Variants in MDGA2 observed in about 807,000 individuals in gnomAD.
MDGA2 encodes MAM domain containing glycosylphosphatidylinositol anchor 2.
In MDGA2, 40 loss-of-function variants were observed where a neutral mutation model predicts 117.8. The ratio of observed to expected loss-of-function variants is 0.34; its 90% CI spans 0.26 to 0.44. MDGA2 has a LOEUF of 0.44. MDGA2 is among the 20% of genes least tolerant of loss of function. MDGA2 has a pLI of 1.00. For missense variants in MDGA2, 1,123 were observed against 1,250.6 expected (o/e 0.90, Z 1.54); for synonymous variants, 452 against 439.0 (o/e 1.03, Z -0.37).
At chr14:47,308,577 G>A in intron 1 of MDGA2, among the ~76,000 whole-genome samples, 1 of 131,764 alleles carries the variant, frequency 7.6e-6, no homozygotes, top group Admixed American at 8.4e-5. Context: ...TCTCAAAGCT[G>A]TTTAATATCT....
intron 8 of MDGA2, among the ~76,000 whole-genome samples, chr14:46,971,686 T>TA (rs1886270846): frequency 6.6e-6 from 1 of 151,898 alleles, no homozygotes; most frequent in Admixed American, 6.6e-5. Context: ...TATTATATAA[T>TA]AAAAATAGCT....
chr14:46,932,811 T>C (rs1183457211), intron 9 of MDGA2, among the ~76,000 whole-genome samples: 2 of 148,746 alleles, frequency 1.3e-5, no homozygotes, highest in African/African-American at 4.9e-5. Context: ...CATTATGTCT[T>C]TTTTTTTTTG....
intron 1 of MDGA2, among the ~76,000 whole-genome samples, chr14:47,403,030 A>C (rs1892187284): frequency 6.6e-6 from 1 of 152,096 alleles, no homozygotes; most frequent in African/African-American, 2.4e-5. Context: ...AGCATTCTTA[A>C]GATCTTTCCC....
chr14:47,508,273 G>C (rs897304012), intron 1 of MDGA2, among the ~76,000 whole-genome samples: 1 of 151,304 alleles, frequency 6.6e-6, no homozygotes, highest in Non-Finnish European at 1.5e-5. Context: ...CCTTTATTAA[G>C]GAGCATGCTT....
At position 46,871,065 on chromosome 14, in the gene MDGA2, A is replaced by C. The variant is rs919622762; in HGVS notation, c.2752+2368T>G. 3 of 151,920 alleles carry C rather than the reference A, an allele frequency of 2.0e-5. No individual in the cohort carries two copies. The South Asian group carries it at 6.2e-4, about 31-fold the overall frequency. The allele number at this position is 151,920 out of a possible 1,614,324, so 9.4% of individuals were successfully genotyped here. A position where few individuals can be genotyped will look rare whatever the true frequency, so the allele number is the denominator to read the frequency against. ...AGGAAACAGAGTATACATTATTAACAAAAAGGAAGAATTAGAGTTGAGCTA... is the reference window on the plus strand; with the variant it reads ...AGGAAACAGAGTATACATTATTAACCAAAAGGAAGAATTAGAGTTGAGCTA... On this transcript the variant is annotated intron_variant, in intron 14 of 16. Coordinates refer to ENST00000399232, the MANE Select transcript of MDGA2 (RefSeq NM_001113498.3).
chr14:46,931,572 G>T (rs1291719768), intron 9 of MDGA2, among the ~76,000 whole-genome samples: 1 of 143,046 alleles, frequency 7.0e-6, no homozygotes, highest in East Asian at 2.0e-4. Context: ...ACCCAGGCTG[G>T]ATTGCAGTGG....
At chr14:47,134,324 T>C (rs1295678494) in intron 4 of MDGA2, among the ~76,000 whole-genome samples, 5 of 152,054 alleles carry the variant, frequency 3.3e-5, no homozygotes, top group Non-Finnish European at 5.9e-5. Flanking sequence ...TTGCTTTATA[T>C]ATATTTATTT....
chr14:46,933,540 C>G (rs1884659999), intron 9 of MDGA2, among the ~76,000 whole-genome samples: 1 of 151,438 alleles, frequency 6.6e-6, no homozygotes, highest in Non-Finnish European at 1.5e-5. Context: ...TCCCACTACA[C>G]TTCCCTTGCC....
chr14:47,332,480 C>A (rs1472130621), intron 1 of MDGA2, among the ~76,000 whole-genome samples: 1 of 151,880 alleles, frequency 6.6e-6, no homozygotes, highest in Non-Finnish European at 1.5e-5. Context: ...AAGAATAGCA[C>A]ATGTCTGCCT....
intron 7 of MDGA2, among the ~76,000 whole-genome samples, chr14:47,045,209 T>C (rs1409753641): frequency 6.6e-6 from 1 of 151,936 alleles, no homozygotes; most frequent in Non-Finnish European, 1.5e-5. Context: ...TCTTGCTGCC[T>C]CATGAACAGA....
At chr14:47,648,833 T>C (rs1897585426) in intron 1 of MDGA2, among the ~76,000 whole-genome samples, 2 of 152,178 alleles carry the variant, frequency 1.3e-5, no homozygotes, top group Admixed American at 1.3e-4. Context: ...AATTTCTTCA[T>C]GTTGTGTTCA....
chr14:47,649,514 G>A (rs549824701), intron 1 of MDGA2, among the ~76,000 whole-genome samples: 23 of 151,992 alleles, frequency 1.5e-4, no homozygotes, highest in African/African-American at 3.4e-4. Context: ...GTGAAACCCC[G>A]TCTCTACCAA....
chr14:47,668,498 C>T (rs1385625410), intron 1 of MDGA2, among the ~76,000 whole-genome samples: 2 of 152,124 alleles, frequency 1.3e-5, no homozygotes, highest in East Asian at 1.9e-4. Context: ...CTTAAAGTCT[C>T]TTCTCCCACT....
At chr14:46,890,177 T>C (rs1420836996) in intron 10 of MDGA2, among the ~76,000 whole-genome samples, 1 of 151,994 alleles carries the variant, frequency 6.6e-6, no homozygotes, top group Non-Finnish European at 1.5e-5. Context: ...AAATACTAGG[T>C]TTTCAAGGCT....
intron 2 of MDGA2, among the ~76,000 whole-genome samples, chr14:47,255,541 C>T (rs760260959): frequency 6.6e-6 from 1 of 152,198 alleles, no homozygotes; most frequent in Non-Finnish European, 1.5e-5. Context: ...CTACTTTCTT[C>T]ACAGGAAGTT....
At chr14:47,639,974 GA>G (rs1897392879) in intron 1 of MDGA2, among the ~76,000 whole-genome samples, 1 of 152,158 alleles carries the variant, frequency 6.6e-6, no homozygotes, top group African/African-American at 2.4e-5. Flanking sequence ...GTAAAGAATG[GA>G]AGGTAAGTAT....
intron 3 of MDGA2, among the ~76,000 whole-genome samples, chr14:47,191,604 T>C (rs1187078423): frequency 6.6e-6 from 1 of 152,082 alleles, no homozygotes; most frequent in Admixed American, 6.5e-5. Flanking sequence ...CAAAATTGTT[T>C]AGTAGAAAAA....
At chr14:46,854,638 A>G (rs529980781) in intron 15 of MDGA2, among the ~76,000 whole-genome samples, 1 of 152,004 alleles carries the variant, frequency 6.6e-6, no homozygotes, top group African/African-American at 2.4e-5. Context: ...GTAAGTATAT[A>G]AAATTTAATC....
At chr14:47,077,864 A>C (rs546370682) in intron 6 of MDGA2, among the ~76,000 whole-genome samples, 30 of 152,230 alleles carry the variant, frequency 2.0e-4, no homozygotes, top group Admixed American at 1.5e-3. Flanking sequence ...AGAGAAGTAC[A>C]ACTTCTCTTT....
Sources: allele counts gnomAD v4.1 joint callset (sites outside exome capture counted in the v4.1 genomes callset), GRCh38; gene constraint gnomAD v4.1.1; transcripts MANE v1.5; gene names NCBI Gene and HGNC (gene_info 2026-07-23, HGNC 2026-07-21).